The following GIT1 variants were observed in gnomAD, a reference collection of about 807,000 sequenced individuals.
GIT1 encodes ARF GTPase-activating protein GIT1.
Under a neutral mutation model 91.7 loss-of-function variants are expected in GIT1, and 14 were observed. The ratio of observed to expected loss-of-function variants is 0.15; its 90% CI spans 0.10 to 0.24. GIT1 has a LOEUF of 0.24. Ranked by LOEUF, GIT1 falls within the 10% of genes least tolerant of loss-of-function variation. The probability of loss-of-function intolerance (pLI) is 1.00; values close to 1 mark genes in which losing one functional copy is unlikely to be tolerated. For synonymous variants in GIT1, 414 were observed against 418.2 expected (o/e 0.99, Z 0.12); for missense variants, 717 against 1,024.9 (o/e 0.70, Z 4.10).
rs984283351 is a variant in GIT1, at chr17:29,581,473, C to T, written c.719-93G>A. On this transcript the variant is annotated intron_variant, in intron 6 of 19. Transcript: ENST00000225394. The surrounding 1 kb of genome is among the most constrained non-coding windows in gnomAD (Gnocchi z 4.8). Reference sequence around the variant, plus strand: ...TCACTGCCATGAGCAGGGCTGGCACCCAGAAGTGTCAGGGGAAAGTGGGGA... The same window carrying T: ...TCACTGCCATGAGCAGGGCTGGCACTCAGAAGTGTCAGGGGAAAGTGGGGA... 1.9e-6 allele frequency: 2 copies of T among 1,027,756 alleles called. No individual in the cohort carries two copies. The highest frequency in any genetic ancestry group is 3.1e-5 in the African/African-American group (2 of 63,850). 63.7% of individuals were successfully genotyped at this position (1,027,756 alleles called of 1,614,324 possible). A position where few individuals can be genotyped will look rare whatever the true frequency, so the allele number is the denominator to read the frequency against.
chr17:29,583,137 G>A (rs990209041), intron 2 of GIT1, 100 bp from the exon 3 acceptor site: 4 of 780,186 alleles, frequency 5.1e-6, no homozygotes, highest in African/African-American at 3.4e-5. Context: ...AGCTGGAAAC[G>A]GTACCAAGGG....
At chr17:29,579,481 C>T (rs974211125) in intron 7 of GIT1, among the ~76,000 whole-genome samples, 1 of 152,218 alleles carries the variant, frequency 6.6e-6, no homozygotes, top group Non-Finnish European at 1.5e-5. Flanking sequence ...CACAGTGGCT[C>T]ACACCTGTAA....
intron 10 of GIT1, 129 bp from the exon 11 acceptor site, chr17:29,577,376 T>G (rs2033247013): frequency 1.3e-6 from 1 of 761,138 alleles, no homozygotes; most frequent in African/African-American, 1.7e-5. Flanking sequence ...CCAGCCTAGC[T>G]TCACCTGGCT....
chr17:29,581,325 G>A lies in GIT1; in HGVS notation c.761+13C>T, dbSNP rs1048872111. On this transcript the variant is annotated intron_variant, in intron 7 of 19. Coordinates refer to ENST00000225394, the MANE Select transcript of GIT1 (RefSeq NM_014030.4). The surrounding 1 kb of genome is among the most constrained non-coding windows in gnomAD (Gnocchi z 4.8). ...CAACAGCCTCTGGAAAGGGGCATCA[G>A]GTGGGCACTCACCTGTCAGCCATCT... is the stretch of plus-strand genomic sequence containing the variant. 6.2e-7 allele frequency: 1 copy of A among 1,604,818 alleles called. No individual in the cohort carries two copies.
chr17:29,578,323 C>T lies in GIT1; in HGVS notation c.859G>A (p.Val287Met), dbSNP rs756394121. 5.0e-6 allele frequency: 8 copies of T among 1,614,000 alleles called. No individual in the cohort carries two copies. In the African/African-American group the frequency reaches 1.1e-4, roughly 22 times the overall value. ...EELAMDVYDE[V>M]DRRENDAVWL... ...CCTGCATCATTTTCTCTTCGATCCA[C>T]CTCGTCATACACGTCCATGGCGAGT... The change falls in exon 9 of 20, where the codon GTG becomes ATG. Residue 287 changes from valine (V) to methionine (M), a missense_variant. Physicochemically the swap from Val to Met is conservative, Grantham distance 21 (BLOSUM62 1). Coordinates refer to ENST00000225394, the MANE Select transcript of GIT1 (RefSeq NM_014030.4).
intron 7 of GIT1, 179 bp from the exon 8 acceptor site, chr17:29,578,958 A>G (rs2033307827): frequency 1.2e-6 from 2 of 1,613,610 alleles, no homozygotes; most frequent in South Asian, 1.1e-5. Flanking sequence ...CAGGCACCAT[A>G]TACCTCTGAG....
At chr17:29,574,986 G>T in intron 19 of GIT1, 72 bp from the exon 20 acceptor site, 2 of 1,484,660 alleles carry the variant, frequency 1.3e-6, no homozygotes, top group Non-Finnish European at 1.8e-6. Flanking sequence ...CAGTTTGTCT[G>T]TGTCTCCACC....
rs747305401 is a variant in GIT1, at chr17:29,582,974, C to T, written c.250G>A (p.Ala84Thr). The change falls in exon 3 of 20, where the codon GCA becomes ACA. Residue 84 changes from alanine to threonine, a missense_variant. Ala to Thr is a moderately conservative substitution (Grantham distance 58). This residue lies in a region of GIT1 where 271 missense variants were observed against 451.6 expected (regional missense o/e 0.60). Coordinates refer to ENST00000225394, the MANE Select transcript of GIT1 (RefSeq NM_014030.4). ...SIWEHSLLDP[A>T]QVQSGRRKAN... ...TTACGCCGGCCGCTCTGCACTTGTG[C>T]GGGGTCCAGCAGGGAGTGCTCCCAG... The T allele has an allele frequency of 2.6e-5, 42 of 1,612,104 alleles. No homozygotes were observed. The East Asian group carries it at 4.9e-4, about 19-fold the overall frequency.
rs1207525785 is a variant in GIT1, at chr17:29,589,300, TCCCGCCCCCGGC to T, written c.52+15_52+26del. ...GCCCGGCGGCGGCCTGGCTGTGCGG[TCCCGCCCCCGGC>T]CCCGCCGCGCTTACCCGGGGCGCTG... is the stretch of plus-strand genomic sequence containing the variant. On this transcript the variant is annotated intron_variant, in intron 1 of 19. Transcript: ENST00000225394. This position sits in a 1 kb window ranked among gnomAD's most constrained non-coding sequence, Gnocchi z 5.2. 4.0e-6 allele frequency: 4 copies of T among 995,916 alleles called. No homozygotes were observed. In the African/African-American group the frequency reaches 5.3e-5, roughly 13 times the overall value. 61.7% of individuals were successfully genotyped at this position (995,916 alleles called of 1,614,324 possible).
intron 4 of GIT1, 121 bp downstream of exon 4, chr17:29,582,577 T>C (rs534729551): frequency 9.0e-5 from 63 of 697,876 alleles, no homozygotes; most frequent in African/African-American, 8.6e-4. Flanking sequence ...CTGTCTACTG[T>C]TACCCTGACC....
At chr17:29,578,111 G>A (rs775951421) in intron 9 of GIT1, among the ~76,000 whole-genome samples, 188 bp downstream of exon 9, 3 of 152,142 alleles carry the variant, frequency 2.0e-5, no homozygotes, top group African/African-American at 7.2e-5. Context: ...CACGCTAGCC[G>A]CCTCCCCCTC....
chr17:29,582,841 G>A, intron 3 of GIT1, 38 bp from the exon 4 acceptor site: 1 of 1,577,414 alleles, frequency 6.3e-7, no homozygotes, highest in South Asian at 1.1e-5. Context: ...GAGCATGGTG[G>A]GAGAGGGTGG....
Position 29,574,341 on chromosome 17 carries a change from C to T in GIT1, c.*361G>A, listed in dbSNP as rs1225170892. The T allele has an allele frequency of 6.8e-6, 2 of 293,012 alleles. No individual in the cohort carries two copies. The highest frequency in any genetic ancestry group is 8.9e-5 in the East Asian group (1 of 11,246). 18.2% of individuals were successfully genotyped at this position (293,012 alleles called of 1,614,324 possible). A position where few individuals can be genotyped will look rare whatever the true frequency, so the allele number is the denominator to read the frequency against. Reference sequence around the variant, plus strand: ...GCTGAACTGGCTCATGGGGGTGGGGCGCATGTACGGAGAGCTGCCCCACTT... The same window carrying T: ...GCTGAACTGGCTCATGGGGGTGGGGTGCATGTACGGAGAGCTGCCCCACTT... On this transcript the variant is annotated 3_prime_UTR_variant, in exon 20 of 20. Coordinates refer to ENST00000225394, the MANE Select transcript of GIT1 (RefSeq NM_014030.4).
chr17:29,589,398 G>A lies in GIT1; in HGVS notation c.-20C>T. 9.7e-7 allele frequency: 1 copy of A among 1,027,868 alleles called. No individual in the cohort carries two copies. The highest frequency in any genetic ancestry group is 3.3e-5 in the South Asian group (1 of 30,592). 63.7% of individuals were successfully genotyped at this position (1,027,868 alleles called of 1,614,324 possible). On this transcript the variant is annotated 5_prime_UTR_variant, in exon 1 of 20. Coordinates refer to ENST00000225394, the MANE Select transcript of GIT1 (RefSeq NM_014030.4). This position sits in a 1 kb window ranked among gnomAD's most constrained non-coding sequence, Gnocchi z 5.2. ...GGACATCCTCAGCGGCGACGCGGCC[G>A]CAGCCCTCTGGGCCAGCGTGGGGGG...
chr17:29,589,503 C>T lies in GIT1; in HGVS notation c.-125G>A, dbSNP rs1159127766. ...GGCGAGGCCCCGGCGAGGCTCCGCG[C>T]GCCCGGCCAACCGTCCGCCCCGGGG... On this transcript the variant is annotated 5_prime_UTR_variant, in exon 1 of 20. Transcript: ENST00000225394. This position sits in a 1 kb window ranked among gnomAD's most constrained non-coding sequence, Gnocchi z 5.2. 4.1e-6 allele frequency: 1 copy of T among 244,682 alleles called. No homozygotes were observed. Among genetic ancestry groups the T allele is most frequent in the Non-Finnish European group, 6.4e-6 (1 of 155,722 alleles). 15.2% of individuals were successfully genotyped at this position (244,682 alleles called of 1,614,324 possible).
chr17:29,578,641 C>T lies in GIT1; in HGVS notation c.810+90G>A, dbSNP rs182713443. On this transcript the variant is annotated intron_variant, in intron 8 of 19. Transcript: ENST00000225394. ...AGGTCAAAGACTTGGAAAAGGTCAT[C>T]GAGTCAGAGGCAGAGGAAGCAAGAG... 49 of 1,197,546 alleles carry T rather than the reference C, an allele frequency of 4.1e-5. No homozygotes were observed. The Middle Eastern group carries it at 1.7e-3, about 41-fold the overall frequency. The allele number at this position is 1,197,546 out of a possible 1,614,324, so 74.2% of individuals were successfully genotyped here.
intron 14 of GIT1, 23 bp downstream of exon 14, chr17:29,576,197 C>A: frequency 6.2e-7 from 1 of 1,607,790 alleles, no homozygotes. Flanking sequence ...CTCCCCACAC[C>A]TTGAGACCCA....
In GIT1 at chr17:29,581,670, G is replaced by T; in HGVS notation, c.718+72C>A. The stretch of plus-strand genomic sequence containing the variant: ...CTGTCACCATGGCACCTGCTGCCGG[G>T]TGCGTCCAGGTCCCACCTGCCCAGC... On this transcript the variant is annotated intron_variant, in intron 6 of 19. Transcript: ENST00000225394. The surrounding 1 kb of genome is among the most constrained non-coding windows in gnomAD (Gnocchi z 4.8). 8.6e-7 allele frequency: 1 copy of T among 1,162,938 alleles called. No individual in the cohort carries two copies. Among genetic ancestry groups the T allele is most frequent in the Non-Finnish European group, 1.3e-6 (1 of 786,504 alleles). The allele number at this position is 1,162,938 out of a possible 1,614,324, so 72.0% of individuals were successfully genotyped here.
At chr17:29,577,595 A>G in intron 10 of GIT1, 50 bp downstream of exon 10, 1 of 1,129,664 alleles carries the variant, frequency 8.9e-7, no homozygotes, top group Non-Finnish European at 1.4e-6. Flanking sequence ...ATGAGGAGGG[A>G]CCGCGGGGAT....
Sources: gnomAD v4.1 joint callset for allele counts (sites outside exome capture counted in the v4.1 genomes callset) on GRCh38, gnomAD v4.1.1 for gene constraint, gnomAD v4.1.1 regional missense constraint, Gnocchi (gnomAD v3.1) non-coding constraint, MANE v1.5 for transcripts, NCBI Gene and HGNC (gene_info 2026-07-23, HGNC 2026-07-21) for gene names.